ST8SIA5: variants seen among roughly 807,000 people sequenced by gnomAD.
ST8SIA5 encodes ST8 alpha-N-acetyl-neuraminide alpha-2,8-sialyltransferase 5.
A neutral mutation model predicts 40.2 loss-of-function variants in ST8SIA5; 24 were observed. That is an observed-to-expected ratio of 0.60 (90% CI 0.43 to 0.84). ST8SIA5 has a LOEUF of 0.84. ST8SIA5 is among the 40% of genes least tolerant of loss of function. ST8SIA5 has a pLI of 0.00. For missense variants in ST8SIA5, 465 were observed against 498.5 expected, an observed-to-expected ratio of 0.93 and a Z score of 0.64; for synonymous variants, 198 against 201.8, an observed-to-expected ratio of 0.98 and a Z score of 0.16.
intron 1 of ST8SIA5, among the ~76,000 whole-genome samples, chr18:46,716,089 T>C (rs1568265951): frequency 9.0e-6 from 1 of 111,288 alleles, no homozygotes; most frequent in African/African-American, 4.5e-5. Context: ...TCACACAGGA[T>C]AGATAGATAG....
chr18:46,686,243 A>C lies in ST8SIA5; in HGVS notation c.500T>G (p.Val167Gly). ...GTTCTTCAAGATGCCTCCGTTGCCC[A>C]CTACAGCACACTTCTTAAACTGGGA... The part of the protein sequence containing the change: ...YRSQFKKCAV[V>G]GNGGILKNSR... The change falls in exon 5 of 7, where the codon GTG becomes GGG. Residue 167 changes from valine to glycine, a missense_variant. Transcript: ENST00000315087. 3 of 1,614,122 alleles carry C rather than the reference A, an allele frequency of 1.9e-6. No individual in the cohort carries two copies. Among genetic ancestry groups the C allele is most frequent in the Non-Finnish European group, 2.5e-6 (3 of 1,180,008 alleles).
chr18:46,736,660 G>A (rs998532780), intron 1 of ST8SIA5, among the ~76,000 whole-genome samples: 2 of 152,154 alleles, frequency 1.3e-5, no homozygotes, highest in African/African-American at 4.8e-5. Flanking sequence ...ATCTGCTGAG[G>A]AAGAATGGGG....
rs2040137473 is a variant in ST8SIA5, at chr18:46,746,102, C to G, written c.131+10276G>C. 2.0e-5 allele frequency among the ~76,000 whole-genome samples: 3 copies of G among 152,128 alleles called. No homozygotes were observed. In the South Asian group the frequency reaches 6.2e-4, roughly 32 times the overall value. On this transcript the variant is annotated intron_variant, in intron 1 of 6. Coordinates refer to ENST00000315087, the MANE Select transcript of ST8SIA5 (RefSeq NM_013305.6). ...AGAGCTATTTATGACAAACCCACAG[C>G]CAGTATCATACTGAATGGGCAAAAA...
chr18:46,715,142 A>G (rs768227921), intron 1 of ST8SIA5, among the ~76,000 whole-genome samples: 2 of 152,126 alleles, frequency 1.3e-5, no homozygotes, highest in Non-Finnish European at 2.9e-5. Context: ...GCATCTCCAA[A>G]TCCTTCCCAG....
intron 1 of ST8SIA5, among the ~76,000 whole-genome samples, chr18:46,753,895 AC>A: frequency 6.6e-6 from 1 of 152,130 alleles, no homozygotes; most frequent in East Asian, 1.9e-4. Flanking sequence ...GGAGCTTGTT[AC>A]AAAGGCAGGT....
intron 3 of ST8SIA5, 84 bp downstream of exon 3, chr18:46,692,082 TGGG>T: frequency 1.4e-6 from 2 of 1,397,780 alleles, no homozygotes; most frequent in Non-Finnish European, 2.0e-6. Flanking sequence ...CGCTGAGAGC[TGGG>T]CCTTGCAGGA....
intron 1 of ST8SIA5, among the ~76,000 whole-genome samples, chr18:46,742,245 A>G (rs573814761): frequency 6.6e-6 from 1 of 152,172 alleles, no homozygotes; most frequent in African/African-American, 2.4e-5. Context: ...CTTTTTTAAC[A>G]TTCCCTTTAC....
rs543700103 is a variant in ST8SIA5, at chr18:46,700,164, C to T, written c.224+4408G>A. ...TTTTCATAACAAATCATCATGGAGT[C>T]GTTCTTCATGTATCTGACACTGTCA... On this transcript the variant is annotated intron_variant, in intron 2 of 6. Coordinates refer to ENST00000315087, the MANE Select transcript of ST8SIA5 (RefSeq NM_013305.6). Among the ~76,000 whole-genome samples the T allele has an allele frequency of 9.8e-5, 15 of 152,290 alleles. No individual in the cohort carries two copies. The South Asian group carries it at 1.9e-3, about 19-fold the overall frequency.
chr18:46,712,756 C>A (rs2039746006), intron 1 of ST8SIA5, among the ~76,000 whole-genome samples: 1 of 152,202 alleles, frequency 6.6e-6, no homozygotes, highest in Non-Finnish European at 1.5e-5. Context: ...AGTGTCCCCA[C>A]TCTCATGGCA....
intron 2 of ST8SIA5, among the ~76,000 whole-genome samples, chr18:46,700,220 T>C (rs1020224326): frequency 6.6e-6 from 1 of 152,244 alleles, no homozygotes; most frequent in Non-Finnish European, 1.5e-5. Flanking sequence ...GTGGGGATTT[T>C]CTGGCTGACT....
chr18:46,702,503 G>A (rs1272908865), intron 2 of ST8SIA5, among the ~76,000 whole-genome samples: 1 of 152,162 alleles, frequency 6.6e-6, no homozygotes, highest in Non-Finnish European at 1.5e-5. Context: ...TAGCAATGCA[G>A]CTTCCGTGTC....
rs895673437 is a variant in ST8SIA5 at position 46,700,640 on chromosome 18, G to T, written c.224+3932C>A. 2.0e-5 allele frequency among the ~76,000 whole-genome samples: 3 copies of T among 152,308 alleles called. No individual in the cohort carries two copies. In the East Asian group the frequency reaches 5.8e-4, roughly 29 times the overall value. Reference sequence around the variant, plus strand: ...TCCCTCTCAGACTCCCAGGGCTTGGGGTCACAGAGAGGTAACTACTGTAGA... The same window carrying T: ...TCCCTCTCAGACTCCCAGGGCTTGGTGTCACAGAGAGGTAACTACTGTAGA... On this transcript the variant is annotated intron_variant, in intron 2 of 6. Coordinates refer to ENST00000315087, the MANE Select transcript of ST8SIA5 (RefSeq NM_013305.6).
rs1242763999 is a variant in ST8SIA5 at position 46,669,491 on chromosome 18, G to A, written c.*10551C>T. ...AAAGTAAAAGTGTCACTTTCCCCCA[G>A]AAATGGTCATCTTTTTAAATTCACC... On this transcript the variant is annotated 3_prime_UTR_variant, in exon 7 of 7. Coordinates refer to ENST00000315087, the MANE Select transcript of ST8SIA5 (RefSeq NM_013305.6). 1.3e-5 allele frequency: 2 copies of A among 152,142 alleles called. No homozygotes were observed. The highest frequency in any genetic ancestry group is 2.9e-5 in the Non-Finnish European group (2 of 68,046). The allele number at this position is 152,142 out of a possible 1,614,324, so 9.4% of individuals were successfully genotyped here. A position where few individuals can be genotyped will look rare whatever the true frequency, so the allele number is the denominator to read the frequency against.
At chr18:46,700,877 T>A (rs1291564362) in intron 2 of ST8SIA5, among the ~76,000 whole-genome samples, 1 of 152,180 alleles carries the variant, frequency 6.6e-6, no homozygotes, top group East Asian at 1.9e-4. Context: ...CTGTCTCTCA[T>A]GTTCCTCTCT....
chr18:46,721,430 G>C, intron 1 of ST8SIA5: 1 of 1,536,086 alleles, frequency 6.5e-7, no homozygotes, highest in Non-Finnish European at 8.7e-7. Flanking sequence ...CCGTCCAATT[G>C]GTCAGCTGGT....
chr18:46,679,961 C>T lies in ST8SIA5; in HGVS notation c.*81G>A, dbSNP rs2039370019. The T allele has an allele frequency of 7.2e-7, 1 of 1,388,834 alleles. No individual in the cohort carries two copies. Among genetic ancestry groups the T allele is most frequent in the East Asian group, 2.4e-5 (1 of 41,942 alleles). 86.0% of individuals were successfully genotyped at this position (1,388,834 alleles called of 1,614,324 possible). A position where few individuals can be genotyped will look rare whatever the true frequency, so the allele number is the denominator to read the frequency against. On this transcript the variant is annotated 3_prime_UTR_variant, in exon 7 of 7. Coordinates refer to ENST00000315087, the MANE Select transcript of ST8SIA5 (RefSeq NM_013305.6). Reference sequence around the variant, plus strand: ...GCCTGAACGCCAGGACCCCACGCTGCCCGGTTCGGGGCTCCCAGTTCCACC... The same window carrying T: ...GCCTGAACGCCAGGACCCCACGCTGTCCGGTTCGGGGCTCCCAGTTCCACC...
In ST8SIA5 at chr18:46,704,601, G is replaced by C. The variant is rs146980909; in HGVS notation, c.195C>G (p.His65Gln). Residue 65 changes from histidine to glutamine, a missense_variant, in exon 2 of 7, where the codon CAC becomes CAG. Transcript: ENST00000315087. The part of the protein sequence containing the change: ...YNSTRCLELR[H>Q]EILEVKVLSM... ...ACAGCACCTTCACTTCCAATATTTC[G>C]TGCCTCAGCTCCAGGCATCTTGTGG... 2.5e-6 allele frequency: 4 copies of C among 1,612,590 alleles called. No homozygotes were observed. In the East Asian group the frequency reaches 8.9e-5, roughly 36 times the overall value.
chr18:46,756,717 G>A lies in ST8SIA5; in HGVS notation c.-209C>T. ...GGCGCTGGGGCGGCAAGCAGGACAG[G>A]GCCGGTGGCAGGGAGCTCTGCCGCG... On this transcript the variant is annotated 5_prime_UTR_variant, in exon 1 of 7. Transcript: ENST00000315087. The A allele has an allele frequency of 1.8e-6, 1 of 548,654 alleles. No individual in the cohort carries two copies. Among genetic ancestry groups the A allele is most frequent in the Admixed American group, 3.9e-5 (1 of 25,488 alleles). The allele number at this position is 548,654 out of a possible 1,614,324, so 34.0% of individuals were successfully genotyped here.
intron 1 of ST8SIA5, among the ~76,000 whole-genome samples, chr18:46,742,978 C>T (rs1025359401): frequency 6.6e-5 from 10 of 152,142 alleles, no homozygotes; most frequent in South Asian, 2.1e-4. Context: ...AGGTGAGGGA[C>T]CTGTTAGAAG....
Sources: gnomAD v4.1 joint callset for allele counts (sites outside exome capture counted in the v4.1 genomes callset) on GRCh38, gnomAD v4.1.1 for gene constraint, MANE v1.5 for transcripts, NCBI Gene and HGNC (gene_info 2026-07-23, HGNC 2026-07-21) for gene names.